The following LOC112694756 variants were observed in gnomAD, a reference collection of about 807,000 sequenced individuals.
chr16:30,055,288 C>T, the LOC112694756 span: 3 of 399,320 alleles, frequency 7.5e-6, no homozygotes, highest in Middle Eastern at 6.3e-4. Context: ...CTAGCCCGGC[C>T]CACTTCCTGG....
chr16:30,061,580 G>A, the LOC112694756 span, among the ~76,000 whole-genome samples: 1 of 63,338 alleles, frequency 1.6e-5, no homozygotes, highest in Non-Finnish European at 3.2e-5. Flanking sequence ...TTTTTTTTGA[G>A]GCAGAGTCTT....
chr16:30,063,854 C>T, the LOC112694756 span: 1 of 399,238 alleles, frequency 2.5e-6, no homozygotes. Flanking sequence ...GACCCAGGGC[C>T]CCTGCCCTCT....
chr16:30,064,240 T>C, the LOC112694756 span: 4 of 394,854 alleles, frequency 1.0e-5, no homozygotes, highest in Admixed American at 4.4e-5. Context: ...CTCTCCGTTA[T>C]TTTAGGAGGT....
chr16:30,069,741 G>A, the LOC112694756 span: 1 of 1,611,628 alleles, frequency 6.2e-7, no homozygotes, highest in Non-Finnish European at 8.5e-7. Context: ...ATGCCCATTT[G>A]GACGGATTTC....
At chr16:30,069,126 G>T in the LOC112694756 span, 1 of 1,400,862 alleles carries the variant, frequency 7.1e-7, no homozygotes. Context: ...GTTGAAGGCA[G>T]AGGGGCCAAG....
At chr16:30,068,509 G>A in the LOC112694756 span, 9 of 964,998 alleles carry the variant, frequency 9.3e-6, no homozygotes, top group African/African-American at 3.2e-5. Flanking sequence ...AGGCTGAGGC[G>A]GGAGGATCAC....
At chr16:30,063,171 A>C in the LOC112694756 span, among the ~76,000 whole-genome samples, 1 of 152,064 alleles carries the variant, frequency 6.6e-6, no homozygotes, top group Non-Finnish European at 1.5e-5. Context: ...AAATAGGTAA[A>C]TTGCCATTTT....
the LOC112694756 span, chr16:30,064,354 GAGA>G: frequency 2.5e-6 from 1 of 398,844 alleles, no homozygotes; most frequent in South Asian, 1.3e-4. Flanking sequence ...AGGGAGATTA[GAGA>G]AGGAGCCAGG....
At chr16:30,054,235 G>A in the LOC112694756 span, among the ~76,000 whole-genome samples, 1 of 151,294 alleles carries the variant, frequency 6.6e-6, no homozygotes, top group Non-Finnish European at 1.5e-5. Context: ...TAGGAGAATC[G>A]CTTGAACCCG....
chr16:30,054,579 G>T, the LOC112694756 span: 1 of 384,506 alleles, frequency 2.6e-6, no homozygotes, highest in Non-Finnish European at 4.6e-6. Flanking sequence ...ATGCTGAAGT[G>T]CTTGATGTTG....
chr16:30,061,546 T>TC, the LOC112694756 span, among the ~76,000 whole-genome samples: 8 of 127,920 alleles, frequency 6.3e-5, no homozygotes, highest in South Asian at 5.9e-4. Flanking sequence ...TGCCTCCATT[T>TC]CCTTTTTTTT....
At chr16:30,059,555 C>A in the LOC112694756 span, among the ~76,000 whole-genome samples, 1 of 148,414 alleles carries the variant, frequency 6.7e-6, no homozygotes, top group Admixed American at 6.7e-5. Flanking sequence ...TTTTCCCAGG[C>A]AGGGTCTCTC....
At chr16:30,066,024 C>G in the LOC112694756 span, 1 of 152,998 alleles carries the variant, frequency 6.5e-6, no homozygotes, top group Non-Finnish European at 1.5e-5. Context: ...CTCCCCCATC[C>G]CATGCCAGCG....
At chr16:30,069,248 A>T in the LOC112694756 span, 1 of 1,564,236 alleles carries the variant, frequency 6.4e-7, no homozygotes, top group Non-Finnish European at 8.8e-7. Context: ...CTGTGGAGAG[A>T]TGTAGGTGGG....
At chr16:30,070,242 C>T in the LOC112694756 span, 8 of 1,607,394 alleles carry the variant, frequency 5.0e-6, no homozygotes, top group Non-Finnish European at 6.8e-6. Flanking sequence ...GCCCCCAACA[C>T]TCCAGGCCCT....
At chr16:30,068,661 G>T in the LOC112694756 span, 2 of 1,614,198 alleles carry the variant, frequency 1.2e-6, no homozygotes, top group Non-Finnish European at 1.7e-6. Flanking sequence ...CAAGGGCGTG[G>T]TCCCCCTGGC....
At chr16:30,064,374 G>A in the LOC112694756 span, 1 of 398,822 alleles carries the variant, frequency 2.5e-6, no homozygotes, top group Non-Finnish European at 4.4e-6. Context: ...CAGGGAGGGT[G>A]GCAGGGAGGC....
At chr16:30,067,131 G>A in the LOC112694756 span, 1 of 1,581,654 alleles carries the variant, frequency 6.3e-7, no homozygotes, top group South Asian at 1.1e-5. Context: ...GGGCAGGGGA[G>A]GTAGGGAACA....
the LOC112694756 span, chr16:30,066,775 G>T: frequency 7.8e-7 from 1 of 1,279,402 alleles, no homozygotes; most frequent in South Asian, 1.5e-5. Context: ...TGTGTGGCTT[G>T]AAGCACAGAC....
Sources: allele counts gnomAD v4.1 joint callset (sites outside exome capture counted in the v4.1 genomes callset), GRCh38; gene constraint gnomAD v4.1.1; transcripts MANE v1.5.